Variants in SRFBP1 observed in about 807,000 individuals in gnomAD.
SRFBP1 encodes the protein serum response factor-binding protein 1.
A neutral mutation model predicts 45.5 loss-of-function variants in SRFBP1; 47 were observed. That is an observed-to-expected ratio of 1.03 (90% CI 0.82 to 1.32). SRFBP1 has a LOEUF of 1.32. SRFBP1 is among the 40% of genes most tolerant of loss of function. The pLI, the probability that SRFBP1 is intolerant of heterozygous loss-of-function variation, is 0.00. For synonymous variants in SRFBP1, 203 were observed against 166.3 expected (o/e 1.22, Z -1.70); for missense variants, 621 against 484.6 (o/e 1.28, Z -2.64).
chr5:121,995,586 A>G (rs1383369147), intron 4 of SRFBP1, among the ~76,000 whole-genome samples: 3 of 152,176 alleles, frequency 2.0e-5, no homozygotes, highest in Non-Finnish European at 4.4e-5. Context: ...TTGACACCCT[A>G]ACATCACAAT....
At chr5:122,019,421 C>T (rs1341426928) in intron 5 of SRFBP1, 80 bp downstream of exon 5, 4 of 1,073,628 alleles carry the variant, frequency 3.7e-6, no homozygotes, top group African/African-American at 1.6e-5. Context: ...TATTTTAACT[C>T]TTGAGGTTCT....
chr5:122,070,472 A>T, intron 2 of SRFBP1: 4 of 1,300,202 alleles, frequency 3.1e-6, no homozygotes, highest in Non-Finnish European at 4.4e-6. Flanking sequence ...TCAATATATG[A>T]TATATTTTCA....
intron 2 of SRFBP1, among the ~76,000 whole-genome samples, chr5:122,048,162 G>A (rs1382092791): frequency 6.6e-6 from 1 of 152,280 alleles, no homozygotes; most frequent in African/African-American, 2.4e-5. Flanking sequence ...TGCCCATTCA[G>A]TATGATATTG....
At chr5:122,056,533 G>A (rs1012689791) in intron 2 of SRFBP1, among the ~76,000 whole-genome samples, 5 of 152,096 alleles carry the variant, frequency 3.3e-5, no homozygotes, top group African/African-American at 1.2e-4. Context: ...TAAAAGTTTA[G>A]GGAGAAAGCA....
chr5:122,069,854 A>C (rs1754399856), intron 2 of SRFBP1: 2 of 579,926 alleles, frequency 3.4e-6, no homozygotes, highest in South Asian at 3.1e-5. Context: ...TTCTCCTGAA[A>C]ACTAAAAACC....
At chr5:121,982,310 A>G (rs79969180) in intron 3 of SRFBP1, among the ~76,000 whole-genome samples, 1 of 152,112 alleles carries the variant, frequency 6.6e-6, no homozygotes, top group African/African-American at 2.4e-5. Flanking sequence ...AGATCAGTAT[A>G]TAATGCTCTC....
At chr5:122,064,684 G>A (rs1754251653) in intron 2 of SRFBP1, 1 of 151,846 alleles carries the variant, frequency 6.6e-6, no homozygotes, top group African/African-American at 2.4e-5. Flanking sequence ...GGGTAATAAT[G>A]GGATTTTTAA....
intron 4 of SRFBP1, among the ~76,000 whole-genome samples, chr5:122,011,436 C>T (rs1348008754): frequency 6.6e-6 from 1 of 151,992 alleles, no homozygotes; most frequent in African/African-American, 2.4e-5. Flanking sequence ...TCATACCTCC[C>T]GATATTGGGA....
In SRFBP1 at chr5:121,973,623, G is replaced by A. The variant is rs1004311662; in HGVS notation, c.37-573G>A. Among the ~76,000 whole-genome samples, 4 of 144,418 alleles carry A rather than the reference G, an allele frequency of 2.8e-5. No individual in the cohort carries two copies. The South Asian group carries it at 7.1e-4, about 26-fold the overall frequency. 94.7% of individuals were successfully genotyped at this position (144,418 alleles called of 152,430 possible). On this transcript the variant is annotated intron_variant, in intron 1 of 7. Transcript: ENST00000339397. ...GTGTGTGCATGTGTGTGTGGGGGGGGGGCATGTATGTTTACATGCACATAT... is the reference window on the plus strand; with the variant it reads ...GTGTGTGCATGTGTGTGTGGGGGGGAGGCATGTATGTTTACATGCACATAT...
At chr5:122,057,084 C>T (rs1232263503) in intron 2 of SRFBP1, among the ~76,000 whole-genome samples, 1 of 152,142 alleles carries the variant, frequency 6.6e-6, no homozygotes, top group African/African-American at 2.4e-5. Flanking sequence ...AACCACCTTG[C>T]CAAGTGTCCT....
chr5:122,034,094 G>A (rs901489927), intron 2 of SRFBP1, among the ~76,000 whole-genome samples: 6 of 152,196 alleles, frequency 3.9e-5, no homozygotes, highest in Non-Finnish European at 7.4e-5. Flanking sequence ...ATGGTGCTGG[G>A]ATTAAAGGCG....
chr5:121,992,421 G>C (rs1274233102), intron 3 of SRFBP1, among the ~76,000 whole-genome samples: 1 of 150,810 alleles, frequency 6.6e-6, no homozygotes, highest in African/African-American at 2.4e-5. Context: ...TTTTTTCTCT[G>C]CATCTCCTTC....
Position 121,963,200 on chromosome 5 carries a change from G to A in SRFBP1, c.36+1132G>A, listed in dbSNP as rs79373795. On this transcript the variant is annotated intron_variant, in intron 1 of 7. Transcript: ENST00000339397. ...ATACAGGGATAAGTAACTCTTCACT[G>A]ATGGGAACTTGTGAGATGAAGAAGG... 1.8e-4 allele frequency among the ~76,000 whole-genome samples: 28 copies of A among 152,314 alleles called. No homozygotes were observed. In the East Asian group the frequency reaches 4.6e-3, roughly 25 times the overall value.
chr5:121,995,078 C>A (rs999049265), intron 4 of SRFBP1, among the ~76,000 whole-genome samples: 3 of 151,540 alleles, frequency 2.0e-5, no homozygotes, highest in Admixed American at 2.0e-4. Context: ...GACTTTAACA[C>A]CCCACTGTCA....
intron 2 of SRFBP1, among the ~76,000 whole-genome samples, chr5:122,054,643 C>A (rs1229521983): frequency 1.3e-5 from 2 of 152,198 alleles, no homozygotes; most frequent in Non-Finnish European, 2.9e-5. Context: ...TAGATAGTAT[C>A]TTTTACTGCC....
intron 2 of SRFBP1, among the ~76,000 whole-genome samples, chr5:122,037,853 G>A (rs1753717436): frequency 6.6e-6 from 1 of 152,126 alleles, no homozygotes; most frequent in Non-Finnish European, 1.5e-5. Context: ...ATTTACCCCT[G>A]TGTGTTCTGG....
At chr5:122,047,347 A>G (rs1319532682) in intron 2 of SRFBP1, among the ~76,000 whole-genome samples, 2 of 152,182 alleles carry the variant, frequency 1.3e-5, no homozygotes, top group Non-Finnish European at 2.9e-5. Flanking sequence ...GTCAAACATC[A>G]GATGGTTGTA....
intron 6 of SRFBP1, 47 bp from the exon 7 acceptor site, chr5:122,022,323 A>G: frequency 1.3e-6 from 2 of 1,516,206 alleles, no homozygotes; most frequent in Non-Finnish European, 1.8e-6. Context: ...TCTTAAGATC[A>G]GAGGATTTAT....
rs766988913 is a variant in SRFBP1 at position 122,022,401 on chromosome 5, T to A, written c.1099T>A (p.Ser367Thr). 1.7e-5 allele frequency: 28 copies of A among 1,611,556 alleles called. 1 individual carries two copies. The highest frequency in any genetic ancestry group is 2.1e-5 in the Non-Finnish European group (25 of 1,179,048). The change falls in exon 7 of 8, where the codon TCC becomes ACC. Residue 367 changes from serine to threonine, a missense_variant. Coordinates refer to ENST00000339397, the MANE Select transcript of SRFBP1 (RefSeq NM_152546.3). ...NFKEQAPKTR[S>T]LDFPQNEPQI... is the part of the protein sequence containing the mutation. The stretch of plus-strand genomic sequence containing the variant: ...CAAAGAACAGGCTCCAAAAACAAGA[T>A]CCCTAGGTATGTATTCATAGTTGCC...
Sources: allele counts gnomAD v4.1 joint callset (sites outside exome capture counted in the v4.1 genomes callset), GRCh38; gene constraint gnomAD v4.1.1; transcripts MANE v1.5; gene names NCBI Gene and HGNC (gene_info 2026-07-23, HGNC 2026-07-21).